RXRA: variants seen among roughly 807,000 people sequenced by gnomAD.
The protein encoded by RXRA is retinoid X receptor alpha.
A neutral mutation model predicts 44.5 loss-of-function variants in RXRA; 5 were observed. The ratio of observed to expected loss-of-function variants is 0.11; its 90% confidence interval spans 0.06 to 0.24. The LOEUF (loss-of-function observed/expected upper bound fraction) is 0.24. RXRA is among the 10% of genes least tolerant of loss of function. The pLI, the probability that RXRA is intolerant of heterozygous loss-of-function variation, is 1.00. For missense variants in RXRA, 412 were observed against 646.5 expected, an observed-to-expected ratio of 0.64 and a Z score of 3.93; for synonymous variants, 291 against 271.4, an observed-to-expected ratio of 1.07 and a Z score of -0.71.
In RXRA at chr9:134,426,131, A is replaced by G; in HGVS notation, c.911-2977A>G. On this transcript the variant is annotated intron_variant, in intron 6 of 9. Transcript: ENST00000481739. The surrounding 1 kb of genome is among the most constrained non-coding windows in gnomAD (Gnocchi z 4.6). ...TCTTGAGTTGGAGGACATAGTGACC[A>G]AGGGAGCAGCCCCAGGCAAGACTCT... is the stretch of plus-strand genomic sequence containing the variant. The G allele has an allele frequency of 1.0e-6, 1 of 985,396 alleles. No individual in the cohort carries two copies. Among genetic ancestry groups the G allele is most frequent in the Non-Finnish European group, 1.2e-6 (1 of 829,918 alleles). The allele number at this position is 985,396 out of a possible 1,614,324, so 61.0% of individuals were successfully genotyped here. A position where few individuals can be genotyped will look rare whatever the true frequency, so the allele number is the denominator to read the frequency against.
At chr9:134,424,787 C>G (rs1292035910) in intron 6 of RXRA, 44 of 985,352 alleles carry the variant, frequency 4.5e-5, no homozygotes, top group Non-Finnish European at 4.9e-5. Context: ...GACTCTGTCC[C>G]CCTCCAGGGG....
intron 1 of RXRA, among the ~76,000 whole-genome samples, chr9:134,357,555 G>A (rs1830298252): frequency 6.6e-6 from 1 of 152,076 alleles, no homozygotes; most frequent in Non-Finnish European, 1.5e-5. Flanking sequence ...GGTGGAGGGT[G>A]GGAGACCCCC....
chr9:134,408,238 C>A lies in RXRA; in HGVS notation c.369C>A (p.Pro123=). 6.2e-7 allele frequency: 1 copy of A among 1,612,304 alleles called. No individual in the cohort carries two copies. Among genetic ancestry groups the A allele is most frequent in the East Asian group, 2.2e-5 (1 of 44,792 alleles). The change falls in exon 3 of 10, where the codon CCC becomes CCA. Residue 123 remains proline, a synonymous_variant. Transcript: ENST00000481739. ...LNGVLKVPAH[P]SGNMASFTKH... ...GCGTCCTCAAGGTCCCCGCCCACCCCTCAGGAAACATGGCTTCCTTCACCA... is the reference window on the plus strand; with the variant it reads ...GCGTCCTCAAGGTCCCCGCCCACCCATCAGGAAACATGGCTTCCTTCACCA...
intron 6 of RXRA, chr9:134,424,026 G>A (rs1221897328): frequency 2.0e-6 from 2 of 985,316 alleles, no homozygotes; most frequent in Non-Finnish European, 2.4e-6. Context: ...TGTGGTGCCT[G>A]GCCCTGTGGT....
chr9:134,436,162 T>C (rs1430863479), intron 9 of RXRA, among the ~76,000 whole-genome samples: 1 of 152,244 alleles, frequency 6.6e-6, no homozygotes, highest in Non-Finnish European at 1.5e-5. Context: ...AATTTTTAAC[T>C]TCTTCACAAA....
At chr9:134,424,038 C>T (rs1831392500) in intron 6 of RXRA, 2 of 985,278 alleles carry the variant, frequency 2.0e-6, no homozygotes, top group African/African-American at 3.5e-5. Flanking sequence ...CCCTGTGGTC[C>T]CATGTTCTGG....
chr9:134,422,540 TC>T, intron 6 of RXRA: 5 of 1,073,398 alleles, frequency 4.7e-6, no homozygotes, highest in South Asian at 1.8e-5. Context: ...TCCGGGACAC[TC>T]CCCCCTCCTG....
chr9:134,375,469 A>G (rs1176208859), intron 1 of RXRA, among the ~76,000 whole-genome samples: 1 of 152,184 alleles, frequency 6.6e-6, no homozygotes, highest in Non-Finnish European at 1.5e-5. Context: ...CAGTTGCTCC[A>G]GGCAGTGGGC....
At chr9:134,413,226 G>A (rs893523900) in intron 4 of RXRA, among the ~76,000 whole-genome samples, 2 of 152,134 alleles carry the variant, frequency 1.3e-5, no homozygotes, top group Admixed American at 6.5e-5. Flanking sequence ...TGCGTGGCTG[G>A]TGGTGGGGTT....
intron 7 of RXRA, 86 bp downstream of exon 7, chr9:134,429,326 A>C: frequency 7.3e-7 from 1 of 1,371,292 alleles, no homozygotes. Context: ...GCCCCGGTGC[A>C]CATCCTGCCT....
At position 134,426,076 on chromosome 9, in the gene RXRA, C is replaced by T. The variant is rs1831430140; in HGVS notation, c.911-3032C>T. 2.0e-6 allele frequency: 2 copies of T among 985,306 alleles called. No homozygotes were observed. The highest frequency in any genetic ancestry group is 2.4e-6 in the Non-Finnish European group (2 of 829,932). The allele number at this position is 985,306 out of a possible 1,614,324, so 61.0% of individuals were successfully genotyped here. ...TTTGGGCAGGGCCACGAGGGATCTG[C>T]AGGAGTAAGTTCCTTGGGAAGGGCC... is the stretch of plus-strand genomic sequence containing the variant. On this transcript the variant is annotated intron_variant, in intron 6 of 9. Transcript: ENST00000481739. The surrounding 1 kb of genome is among the most constrained non-coding windows in gnomAD (Gnocchi z 4.6).
intron 1 of RXRA, among the ~76,000 whole-genome samples, chr9:134,392,880 G>A (rs547703709): frequency 5.9e-5 from 9 of 152,178 alleles, no homozygotes; most frequent in African/African-American, 2.2e-4. Context: ...TTGGGAACCC[G>A]TCCCTGGGCA....
At chr9:134,430,333 C>T (rs1056144008) in intron 7 of RXRA, among the ~76,000 whole-genome samples, 7 of 152,100 alleles carry the variant, frequency 4.6e-5, no homozygotes, top group African/African-American at 1.7e-4. Context: ...ACACAGGAGC[C>T]GTGGGTGGGG....
intron 1 of RXRA, among the ~76,000 whole-genome samples, chr9:134,333,850 G>A (rs906319118): frequency 2.0e-5 from 3 of 152,180 alleles, no homozygotes; most frequent in African/African-American, 7.2e-5. Context: ...GCGCTCTCGG[G>A]CCTGGGCAGC....
At chr9:134,429,840 G>C (rs569022935) in intron 7 of RXRA, among the ~76,000 whole-genome samples, 1 of 152,106 alleles carries the variant, frequency 6.6e-6, no homozygotes, top group Non-Finnish European at 1.5e-5. Context: ...GGCCAACTCC[G>C]CTCTGCCAGG....
chr9:134,424,635 C>G (rs1351430529), intron 6 of RXRA: 3 of 985,350 alleles, frequency 3.0e-6, no homozygotes, highest in African/African-American at 1.7e-5. Flanking sequence ...GGTGGTCTCC[C>G]CAAGCCCCAG....
chr9:134,384,190 G>GA (rs1334541921), intron 1 of RXRA, among the ~76,000 whole-genome samples: 1 of 151,684 alleles, frequency 6.6e-6, no homozygotes, highest in Admixed American at 6.6e-5. Context: ...CACCCCGGTT[G>GA]GGGGGGAGTC....
intron 1 of RXRA, among the ~76,000 whole-genome samples, chr9:134,389,966 C>T (rs535989310): frequency 2.6e-5 from 4 of 152,300 alleles, no homozygotes; most frequent in South Asian, 4.1e-4. Context: ...GCCAGCGGCT[C>T]GTCCCCTCCT....
intron 1 of RXRA, among the ~76,000 whole-genome samples, chr9:134,358,937 C>T (rs570032509): frequency 3.3e-5 from 5 of 152,302 alleles, no homozygotes; most frequent in East Asian, 1.9e-4. Flanking sequence ...AACAGCCCCA[C>T]GTGGCAGGGG....
Sources: gnomAD v4.1 joint callset for allele counts (sites outside exome capture counted in the v4.1 genomes callset) on GRCh38, gnomAD v4.1.1 for gene constraint, Gnocchi (gnomAD v3.1) non-coding constraint, MANE v1.5 for transcripts, NCBI Gene and HGNC (gene_info 2026-07-23, HGNC 2026-07-21) for gene names.